PCDHA12: variants seen among roughly 807,000 people sequenced by gnomAD.
The protein encoded by PCDHA12 is protocadherin alpha-12.
Under a neutral mutation model 60.0 loss-of-function variants are expected in PCDHA12, and 44 were observed. That is an observed-to-expected ratio of 0.73 (90% CI 0.58 to 0.94). The LOEUF (loss-of-function observed/expected upper bound fraction) is 0.94. Among genes scored for constraint, PCDHA12 ranks in the 40% least tolerant of loss-of-function variants. The pLI is 0.00. For missense variants in PCDHA12, 1,276 were observed against 1,239.7 expected, an observed-to-expected ratio of 1.03 and a Z score of -0.44; for synonymous variants, 569 against 553.0, an observed-to-expected ratio of 1.03 and a Z score of -0.40.
chr5:140,876,925 CAGA>C lies in PCDHA12; in HGVS notation c.1458_1460del (p.Lys486del). The C allele has an allele frequency of 6.2e-7, 1 of 1,613,838 alleles. No homozygotes were observed. The highest frequency in any genetic ancestry group is 8.5e-7 in the Non-Finnish European group (1 of 1,179,908). ...GGTGTCGGCATGGGACGCGGACGCG[CAGA>C]AGAACGCGCTGGTGTCCTACTCGCT... On this transcript the variant is annotated inframe_deletion, in exon 1 of 4. Coordinates refer to ENST00000398631, the MANE Select transcript of PCDHA12 (RefSeq NM_018903.4).
chr5:140,900,845 C>CT (rs1284280086), intron 1 of PCDHA12, among the ~76,000 whole-genome samples: 1 of 152,106 alleles, frequency 6.6e-6, no homozygotes, highest in Non-Finnish European at 1.5e-5. Context: ...CAAAGTTTCC[C>CT]TTTTTTTCAC....
intron 1 of PCDHA12, among the ~76,000 whole-genome samples, chr5:140,953,372 A>G (rs1472097697): frequency 6.6e-6 from 1 of 151,982 alleles, no homozygotes; most frequent in Non-Finnish European, 1.5e-5. Flanking sequence ...AGGATTCTCT[A>G]CCCCTCTCAG....
intron 2 of PCDHA12, among the ~76,000 whole-genome samples, chr5:140,981,681 C>T (rs1187108666): frequency 6.6e-6 from 1 of 152,064 alleles, no homozygotes; most frequent in Non-Finnish European, 1.5e-5. Context: ...TTCCTTCCTC[C>T]CTTCCATCAT....
intron 1 of PCDHA12, chr5:140,967,316 A>G (rs368129984): frequency 4.3e-6 from 7 of 1,610,310 alleles, no homozygotes; most frequent in African/African-American, 4.0e-5. Context: ...CTCAGTACAG[A>G]CCTACGAGCT....
At chr5:140,886,638 C>T (rs1282922977) in intron 1 of PCDHA12, among the ~76,000 whole-genome samples, 4 of 151,738 alleles carry the variant, frequency 2.6e-5, no homozygotes, top group South Asian at 2.1e-4. Flanking sequence ...CCAGCCTGGC[C>T]AACATGGTGA....
chr5:140,937,492 C>T (rs1390017602), intron 1 of PCDHA12, among the ~76,000 whole-genome samples: 1 of 152,054 alleles, frequency 6.6e-6, no homozygotes, highest in African/African-American at 2.4e-5. Context: ...TGGCACATAC[C>T]CGTAATCCCA....
At chr5:140,946,287 A>G (rs1484519782) in intron 1 of PCDHA12, among the ~76,000 whole-genome samples, 1 of 152,032 alleles carries the variant, frequency 6.6e-6, no homozygotes, top group African/African-American at 2.4e-5. Flanking sequence ...ATGAGATATC[A>G]CCTCACACCT....
At chr5:140,990,224 G>T (rs1368393390) in intron 3 of PCDHA12, among the ~76,000 whole-genome samples, 1 of 152,160 alleles carries the variant, frequency 6.6e-6, no homozygotes, top group Non-Finnish European at 1.5e-5. Flanking sequence ...GAAGTTTATT[G>T]TAACTAGCGT....
At chr5:140,902,066 T>C (rs2069077660) in intron 1 of PCDHA12, among the ~76,000 whole-genome samples, 1 of 152,202 alleles carries the variant, frequency 6.6e-6, no homozygotes, top group Admixed American at 6.5e-5. Flanking sequence ...GCAACTTTAC[T>C]GAATTTATTG....
At chr5:140,894,403 T>C (rs1442623931) in intron 1 of PCDHA12, among the ~76,000 whole-genome samples, 3 of 152,046 alleles carry the variant, frequency 2.0e-5, no homozygotes, top group Non-Finnish European at 4.4e-5. Context: ...TTCTTTGCTT[T>C]TCTTTTGTAG....
chr5:140,999,814 G>A (rs143341016), intron 3 of PCDHA12, among the ~76,000 whole-genome samples: 1 of 152,286 alleles, frequency 6.6e-6, no homozygotes, highest in African/African-American at 2.4e-5. Context: ...CAAAGCAAGA[G>A]CTGTGGCTTT....
intron 1 of PCDHA12, among the ~76,000 whole-genome samples, chr5:140,939,663 C>T (rs1282923741): frequency 6.6e-6 from 1 of 152,116 alleles, no homozygotes; most frequent in Non-Finnish European, 1.5e-5. Context: ...ACAGGAATAA[C>T]CAACTTGTAT....
At chr5:140,915,582 G>T (rs991142864) in intron 1 of PCDHA12, among the ~76,000 whole-genome samples, 1 of 151,936 alleles carries the variant, frequency 6.6e-6, no homozygotes, top group Non-Finnish European at 1.5e-5. Context: ...CCAGGCAAAA[G>T]CACTTGTTCT....
chr5:140,971,401 G>A (rs2096476846), intron 1 of PCDHA12, among the ~76,000 whole-genome samples: 1 of 152,164 alleles, frequency 6.6e-6, no homozygotes, highest in Admixed American at 6.5e-5. Context: ...ATTTCTGCCA[G>A]GCACTTTTGG....
At chr5:140,967,346 G>A (rs1332345482) in intron 1 of PCDHA12, 1 of 1,607,970 alleles carries the variant, frequency 6.2e-7, no homozygotes, top group Non-Finnish European at 8.5e-7. Flanking sequence ...CGAGCACTTC[G>A]AGCTGGACCT....
chr5:140,991,981 T>C (rs2097483028), intron 3 of PCDHA12, among the ~76,000 whole-genome samples: 1 of 152,008 alleles, frequency 6.6e-6, no homozygotes, highest in South Asian at 2.1e-4. Flanking sequence ...TTATTCTGCC[T>C]ACCACCCGGT....
chr5:141,008,540 T>C (rs1435875214), intron 3 of PCDHA12, among the ~76,000 whole-genome samples: 2 of 152,190 alleles, frequency 1.3e-5, no homozygotes, highest in African/African-American at 4.8e-5. Context: ...ATGTCTTTTA[T>C]TGAAAACTCC....
chr5:140,902,786 C>G (rs1450809375), intron 1 of PCDHA12, among the ~76,000 whole-genome samples: 1 of 151,906 alleles, frequency 6.6e-6, no homozygotes, highest in Non-Finnish European at 1.5e-5. Flanking sequence ...TAGCTTAGCT[C>G]TCACTTGTAT....
intron 1 of PCDHA12, among the ~76,000 whole-genome samples, chr5:140,939,130 A>T (rs1183803741): frequency 6.6e-6 from 1 of 152,204 alleles, no homozygotes; most frequent in Admixed American, 6.5e-5. Context: ...TGGAAGCTGG[A>T]AAGTTGATGA....
Sources: allele counts gnomAD v4.1 joint callset (sites outside exome capture counted in the v4.1 genomes callset), GRCh38; gene constraint gnomAD v4.1.1; transcripts MANE v1.5; gene names NCBI Gene and HGNC (gene_info 2026-07-23, HGNC 2026-07-21).